Variants in USP34 observed in about 807,000 individuals in gnomAD.
USP34 encodes the protein ubiquitin carboxyl-terminal hydrolase 34.
In USP34, 70 loss-of-function variants were observed where a neutral mutation model predicts 460.3. The ratio of observed to expected loss-of-function variants is 0.15; its 90% confidence interval spans 0.13 to 0.19. USP34 has a LOEUF of 0.19. USP34 is among the 10% of genes least tolerant of loss of function. The pLI, the probability that USP34 is intolerant of heterozygous loss-of-function variation, is 1.00. For synonymous variants in USP34, 1,647 were observed against 1,405.3 expected, an observed-to-expected ratio of 1.17 and a Z score of -3.85; for missense variants, 3,985 against 4,236.2, an observed-to-expected ratio of 0.94 and a Z score of 1.65.
chr2:61,250,327 AC>A, intron 48 of USP34: 1 of 178,924 alleles, frequency 5.6e-6, no homozygotes, highest in South Asian at 1.2e-4. Context: ...GGTTGAGTTA[AC>A]CAGAAAATAT....
chr2:61,310,527 TATATAC>T (rs1690556981), intron 27 of USP34, among the ~76,000 whole-genome samples: 1 of 151,432 alleles, frequency 6.6e-6, no homozygotes, highest in African/African-American at 2.4e-5. Context: ...TTTAAATATA[TATATAC>T]ATATACATCT....
chr2:61,418,228 C>T (rs1212478100), intron 2 of USP34, among the ~76,000 whole-genome samples: 5 of 151,406 alleles, frequency 3.3e-5, no homozygotes, highest in Admixed American at 2.6e-4. Flanking sequence ...TACTGGTACA[C>T]ACCACCACGC....
chr2:61,311,781 T>G lies in USP34; in HGVS notation c.3669+3A>C, dbSNP rs377214264. 57 of 1,613,426 alleles carry G rather than the reference T, an allele frequency of 3.5e-5. No homozygotes were observed. The highest frequency in any genetic ancestry group is 2.0e-4 in the Admixed American group (12 of 59,860). ...AACTTCGAAATTAAAACTATGTAAG[T>G]ACCTTGTCAGGAAGTCCAGCTGGCT... On this transcript the variant is annotated splice_donor_region_variant and intron_variant, in intron 26 of 79. Transcript: ENST00000398571.
At chr2:61,399,822 G>A (rs981242195) in intron 3 of USP34, among the ~76,000 whole-genome samples, 5 of 131,788 alleles carry the variant, frequency 3.8e-5, no homozygotes, top group African/African-American at 5.7e-5. Context: ...GCAGTGAGCC[G>A]AGATAACACC....
At chr2:61,450,745 G>A (rs568551463) in intron 1 of USP34, among the ~76,000 whole-genome samples, 21 of 151,842 alleles carry the variant, frequency 1.4e-4, no homozygotes, top group East Asian at 1.2e-3. Context: ...AATATAAAAC[G>A]TCAAAAAGAA....
At chr2:61,370,636 C>A (rs1692592945) in intron 8 of USP34, 57 bp from the exon 9 acceptor site, 2 of 1,517,912 alleles carry the variant, frequency 1.3e-6, no homozygotes, top group Non-Finnish European at 1.8e-6. Flanking sequence ...TTTCTCATGT[C>A]TAAAAGGTAG....
chr2:61,243,032 C>T (rs1688315932), intron 51 of USP34, among the ~76,000 whole-genome samples: 2 of 151,792 alleles, frequency 1.3e-5, no homozygotes, highest in Non-Finnish European at 2.9e-5. Flanking sequence ...TTTTAGTAGA[C>T]ATGGGGTTTC....
At position 61,293,547 on chromosome 2, in the gene USP34, C is replaced by A; in HGVS notation, c.4465G>T (p.Val1489Phe). Reference protein sequence around the residue: ...NSKNSWSCKFVAAGGLQQLLE... With the variant: ...NSKNSWSCKFFAAGGLQQLLE... ...AACTGTTGAAGCCCTCCAGCAGCAA[C>A]AAACTGTAGGCAATTGTGAAAGTAA... The change falls in exon 33 of 80, where the codon GTT becomes TTT. Residue 1489 changes from valine (V) to phenylalanine (F), a missense_variant. By Grantham distance (50) the Val-to-Phe change is conservative. Around this residue, in one of 14 missense-constraint regions of USP34, gnomAD observed 1,114 missense variants for 1,122.5 expected, o/e 0.99. Coordinates refer to ENST00000398571, the MANE Select transcript of USP34 (RefSeq NM_014709.4). The A allele has an allele frequency of 1.2e-6, 2 of 1,611,186 alleles. No individual in the cohort carries two copies. Among genetic ancestry groups the A allele is most frequent in the Non-Finnish European group, 1.7e-6 (2 of 1,178,494 alleles).
intron 75 of USP34, among the ~76,000 whole-genome samples, chr2:61,197,362 T>G (rs1686839884): frequency 6.6e-6 from 1 of 152,196 alleles, no homozygotes. Context: ...GAGCCATCGT[T>G]TTATCCTAAT....
chr2:61,469,854 G>A (rs1290533836), intron 1 of USP34, among the ~76,000 whole-genome samples: 2 of 151,940 alleles, frequency 1.3e-5, no homozygotes, highest in Non-Finnish European at 2.9e-5. Flanking sequence ...ATCTTGCAAG[G>A]GTCGAGAATA....
At chr2:61,212,061 G>A (rs1323672303) in intron 68 of USP34, 132 bp from the exon 69 acceptor site, 13 of 1,222,166 alleles carry the variant, frequency 1.1e-5, no homozygotes, top group Admixed American at 7.4e-5. Flanking sequence ...CATTCAGAAA[G>A]TTATAAAATC....
chr2:61,438,357 A>G (rs1694874578), intron 1 of USP34, among the ~76,000 whole-genome samples: 1 of 152,162 alleles, frequency 6.6e-6, no homozygotes, highest in Non-Finnish European at 1.5e-5. Flanking sequence ...CAACGCCTGT[A>G]ATCCCAGCAC....
At chr2:61,313,073 G>A (rs939812343) in intron 25 of USP34, among the ~76,000 whole-genome samples, 24 of 151,758 alleles carry the variant, frequency 1.6e-4, no homozygotes, top group Non-Finnish European at 1.5e-5. Flanking sequence ...AAATACCTAA[G>A]TAAATTTTTT....
chr2:61,457,203 G>A (rs1458599501), intron 1 of USP34, among the ~76,000 whole-genome samples: 1 of 152,114 alleles, frequency 6.6e-6, no homozygotes, highest in Non-Finnish European at 1.5e-5. Flanking sequence ...TTGAGCCTGG[G>A]AGGTCAAGAC....
At chr2:61,338,836 T>A (rs1348305379) in intron 18 of USP34, among the ~76,000 whole-genome samples, 1 of 152,192 alleles carries the variant, frequency 6.6e-6, no homozygotes. Context: ...TTTTGAGGTA[T>A]GACAAAAGAA....
At chr2:61,420,966 G>T in intron 1 of USP34, 133 bp from the exon 2 acceptor site, 2 of 592,760 alleles carry the variant, frequency 3.4e-6, no homozygotes, top group Admixed American at 3.7e-5. Flanking sequence ...AAGAAAATAA[G>T]TCTACTTTTA....
chr2:61,291,161 T>G (rs1451127440), intron 33 of USP34, among the ~76,000 whole-genome samples: 1 of 152,096 alleles, frequency 6.6e-6, no homozygotes, highest in East Asian at 1.9e-4. Context: ...TTGACATTAC[T>G]CCAAAGATAA....
intron 28 of USP34, 65 bp from the exon 29 acceptor site, chr2:61,301,225 G>A: frequency 1.3e-6 from 2 of 1,536,646 alleles, no homozygotes; most frequent in Non-Finnish European, 8.8e-7. Context: ...CGGTAAATCT[G>A]AAGTATAGAA....
At chr2:61,332,024 A>G (rs1198539612) in intron 19 of USP34, among the ~76,000 whole-genome samples, 3 of 152,100 alleles carry the variant, frequency 2.0e-5, no homozygotes, top group Non-Finnish European at 2.9e-5. Context: ...TGTTATAGCC[A>G]TATTTTAAAC....
Sources: gnomAD v4.1 joint callset for allele counts (sites outside exome capture counted in the v4.1 genomes callset) on GRCh38, gnomAD v4.1.1 for gene constraint, gnomAD v4.1.1 regional missense constraint, MANE v1.5 for transcripts, NCBI Gene and HGNC (gene_info 2026-07-23, HGNC 2026-07-21) for gene names.